AKT3: variants seen among roughly 807,000 people sequenced by gnomAD.
The protein encoded by AKT3 is AKT serine/threonine kinase 3.
AKT3 carries 15 observed loss-of-function variants against 65.3 expected under a neutral mutation model. The ratio of observed to expected loss-of-function variants is 0.23; its 90% confidence interval spans 0.15 to 0.35. The LOEUF is 0.35. AKT3 is among the 10% of genes least tolerant of loss of function. The pLI, the probability that AKT3 is intolerant of heterozygous loss-of-function variation, is 1.00. For missense variants in AKT3, 243 were observed against 576.5 expected, an observed-to-expected ratio of 0.42 and a Z score of 5.92; for synonymous variants, 206 against 183.8, an observed-to-expected ratio of 1.12 and a Z score of -0.98.
chr1:243,514,231 T>C (rs1032197278), intron 12 of AKT3, among the ~76,000 whole-genome samples: 2 of 152,200 alleles, frequency 1.3e-5, no homozygotes, highest in African/African-American at 4.8e-5. Flanking sequence ...CTCTGCCCCA[T>C]CCTTTTCATC....
intron 2 of AKT3, among the ~76,000 whole-genome samples, chr1:243,760,304 T>TTTG (rs1689407868): frequency 6.8e-6 from 1 of 146,772 alleles, no homozygotes; most frequent in South Asian, 2.2e-4. Context: ...TTTTTTTTTT[T>TTTG]GTCATGGAGA....
At chr1:243,794,030 G>C (rs763425784) in intron 2 of AKT3, among the ~76,000 whole-genome samples, 6 of 152,110 alleles carry the variant, frequency 3.9e-5, no homozygotes, top group Non-Finnish European at 7.4e-5. Context: ...CCATTAAAAA[G>C]CATTTTTTCT....
At chr1:243,823,850 T>C (rs992074336) in intron 2 of AKT3, among the ~76,000 whole-genome samples, 3 of 152,138 alleles carry the variant, frequency 2.0e-5, no homozygotes, top group African/African-American at 7.2e-5. Context: ...ATTTATAGAT[T>C]CAATACTATT....
At chr1:243,771,702 CAAGT>C (rs199944621) in intron 2 of AKT3, among the ~76,000 whole-genome samples, 2,802 of 152,130 alleles carry the variant, frequency 0.018, 44 homozygotes, top group Non-Finnish European at 0.028. Flanking sequence ...ACAAAAGGTT[CAAGT>C]AAGACTAATC....
chr1:243,629,971 TCC>T (rs1679483170), intron 6 of AKT3, among the ~76,000 whole-genome samples: 1 of 150,686 alleles, frequency 6.6e-6, no homozygotes, highest in Admixed American at 6.6e-5. Context: ...CAGAAAAAAG[TCC>T]CCCCACTCCC....
At chr1:243,756,345 C>G (rs1689135483) in intron 2 of AKT3, among the ~76,000 whole-genome samples, 1 of 152,080 alleles carries the variant, frequency 6.6e-6, no homozygotes, top group Non-Finnish European at 1.5e-5. Flanking sequence ...ACTGCTGATT[C>G]CAGGGCTGAA....
chr1:243,644,980 G>C (rs1680695442), intron 5 of AKT3, among the ~76,000 whole-genome samples: 1 of 152,160 alleles, frequency 6.6e-6, no homozygotes, highest in Non-Finnish European at 1.5e-5. Context: ...ATTTGGCCCA[G>C]ATCAAGTATA....
Position 243,645,882 on chromosome 1 carries a change from T to C in AKT3, c.429+11A>G. The C allele has an allele frequency of 6.3e-7, 1 of 1,599,002 alleles. No individual in the cohort carries two copies. The highest frequency in any genetic ancestry group is 8.5e-7 in the Non-Finnish European group (1 of 1,172,940). On this transcript the variant is annotated intron_variant, in intron 5 of 13. Transcript: ENST00000673466. The stretch of plus-strand genomic sequence containing the variant: ...TGAATGCTGTGCTGGGAATAAGTTA[T>C]TATTTTCTACCTTTCTTTTATGATG...
At chr1:243,545,270 A>G (rs956690897) in intron 12 of AKT3, among the ~76,000 whole-genome samples, 21 of 152,198 alleles carry the variant, frequency 1.4e-4, no homozygotes, top group African/African-American at 4.8e-4. Context: ...CAAACAAATT[A>G]TTATGGGAAA....
chr1:243,681,155 C>G (rs564231304), intron 3 of AKT3, among the ~76,000 whole-genome samples: 1 of 152,276 alleles, frequency 6.6e-6, no homozygotes, highest in South Asian at 2.1e-4. Flanking sequence ...AACCTAGTTT[C>G]TCCAGCTATA....
At chr1:243,640,786 T>A (rs1311369472) in intron 5 of AKT3, among the ~76,000 whole-genome samples, 1 of 152,172 alleles carries the variant, frequency 6.6e-6, no homozygotes, top group Non-Finnish European at 1.5e-5. Context: ...TGGCCCAAAC[T>A]ACAAAATCAT....
intron 2 of AKT3, among the ~76,000 whole-genome samples, chr1:243,769,756 T>C (rs550554399): frequency 3.9e-5 from 6 of 152,328 alleles, no homozygotes; most frequent in African/African-American, 4.8e-5. Context: ...TTCTTAAAAA[T>C]TGTTGTTTCC....
intron 6 of AKT3, among the ~76,000 whole-genome samples, chr1:243,630,144 T>C (rs1222944643): frequency 6.6e-6 from 1 of 152,168 alleles, no homozygotes; most frequent in Admixed American, 6.5e-5. Context: ...GAACAGAAGG[T>C]ACTGCACCCC....
chr1:243,611,725 C>A lies in AKT3; in HGVS notation c.696+1946G>T, dbSNP rs368385402. Among the ~76,000 whole-genome samples the A allele has an allele frequency of 3.3e-5, 5 of 152,002 alleles. No individual in the cohort carries two copies. In the East Asian group the frequency reaches 5.8e-4, roughly 18 times the overall value. ...ACCAATCCTACAGTTCCACAACATC[C>A]ATTTTCTTCGTATTTTCTCAGACAT... On this transcript the variant is annotated intron_variant, in intron 8 of 13. Coordinates refer to ENST00000673466, the MANE Select transcript of AKT3 (RefSeq NM_005465.7).
chr1:243,639,080 C>T (rs572458828), intron 5 of AKT3, among the ~76,000 whole-genome samples: 8 of 151,958 alleles, frequency 5.3e-5, no homozygotes, highest in Non-Finnish European at 1.2e-4. Flanking sequence ...TTAAAAGAAA[C>T]GTAAGAGACT....
At chr1:243,666,385 A>G (rs1188551812) in intron 3 of AKT3, among the ~76,000 whole-genome samples, 2 of 152,150 alleles carry the variant, frequency 1.3e-5, no homozygotes, top group South Asian at 2.1e-4. Context: ...AACAGTTTAC[A>G]TGTTTTCAGC....
chr1:243,515,778 C>T (rs1670312085), intron 12 of AKT3, among the ~76,000 whole-genome samples: 1 of 152,128 alleles, frequency 6.6e-6, no homozygotes, highest in African/African-American at 2.4e-5. Context: ...ATCACCAGGT[C>T]AGGAGATCAA....
At chr1:243,746,627 C>T (rs1378457586) in intron 2 of AKT3, among the ~76,000 whole-genome samples, 1 of 152,158 alleles carries the variant, frequency 6.6e-6, no homozygotes, top group Non-Finnish European at 1.5e-5. Flanking sequence ...TCTAATGTAC[C>T]TGAAACTAAC....
At position 243,653,760 on chromosome 1, in the gene AKT3, G is replaced by A. The variant is rs1572107673; in HGVS notation, c.285-7723C>T. Among the ~76,000 whole-genome samples the A allele has an allele frequency of 2.0e-5, 3 of 152,216 alleles. No individual in the cohort carries two copies. In the South Asian group the frequency reaches 6.2e-4, roughly 32 times the overall value. ...AATTCTGTTACATGTGTTGATGACTGCTATATCATCCTGTTCAACAGAAAC... is the reference window on the plus strand; with the variant it reads ...AATTCTGTTACATGTGTTGATGACTACTATATCATCCTGTTCAACAGAAAC... On this transcript the variant is annotated intron_variant, in intron 4 of 13. Coordinates refer to ENST00000673466, the MANE Select transcript of AKT3 (RefSeq NM_005465.7).
Sources: gnomAD v4.1 joint callset for allele counts (sites outside exome capture counted in the v4.1 genomes callset) on GRCh38, gnomAD v4.1.1 for gene constraint, MANE v1.5 for transcripts, NCBI Gene and HGNC (gene_info 2026-07-23, HGNC 2026-07-21) for gene names.